The following SWAP70 variants were observed in gnomAD, a reference collection of about 807,000 sequenced individuals.
SWAP70 encodes switching B cell complex subunit SWAP70, also known as switch-associated protein 70.
SWAP70 carries 34 observed loss-of-function variants against 80.2 expected under a neutral mutation model. The observed-to-expected ratio is 0.42, with a 90% CI of 0.32 to 0.56. The LOEUF (loss-of-function observed/expected upper bound fraction) is 0.56, where lower values mean the gene tolerates loss of function less well. Among genes scored for constraint, SWAP70 ranks in the 20% least tolerant of loss-of-function variants. The pLI is 0.09. For missense variants in SWAP70, 578 were observed against 690.7 expected (o/e 0.84, Z 1.83); for synonymous variants, 239 against 238.5 (o/e 1.00, Z -0.02).
At chr11:9,749,001 A>T in intron 10 of SWAP70, 86 bp from the exon 11 acceptor site, 1 of 710,024 alleles carries the variant, frequency 1.4e-6, no homozygotes. Flanking sequence ...GATAATTCAC[A>T]AATACATAGT....
At chr11:9,680,261 C>G (rs1256248402) in intron 1 of SWAP70, among the ~76,000 whole-genome samples, 1 of 152,092 alleles carries the variant, frequency 6.6e-6, no homozygotes, top group Non-Finnish European at 1.5e-5. Context: ...TAGAAGATGA[C>G]CACTCTAAGC....
intron 1 of SWAP70, among the ~76,000 whole-genome samples, chr11:9,687,749 T>TGG: frequency 6.6e-6 from 1 of 152,336 alleles, no homozygotes; most frequent in South Asian, 2.1e-4. Context: ...AATCTTCGCT[T>TGG]AGCCCTATGC....
At chr11:9,697,470 A>G (rs1850773619) in intron 2 of SWAP70, among the ~76,000 whole-genome samples, 1 of 152,012 alleles carries the variant, frequency 6.6e-6, no homozygotes. Context: ...TTTAGTAGAG[A>G]CAGGGTTTCA....
chr11:9,748,113 A>G, intron 10 of SWAP70, 57 bp downstream of exon 10: 1 of 1,530,022 alleles, frequency 6.5e-7, no homozygotes, highest in Non-Finnish European at 8.9e-7. Context: ...AACATTTCTC[A>G]ATAATAGAAT....
At chr11:9,689,337 G>C (rs1025379074) in intron 1 of SWAP70, among the ~76,000 whole-genome samples, 1 of 152,220 alleles carries the variant, frequency 6.6e-6, no homozygotes, top group African/African-American at 2.4e-5. Flanking sequence ...CAGACCACAC[G>C]AGCAGGGCTC....
chr11:9,695,335 G>T (rs1338473924), intron 2 of SWAP70, among the ~76,000 whole-genome samples: 2 of 151,672 alleles, frequency 1.3e-5, no homozygotes, highest in Non-Finnish European at 2.9e-5. Context: ...GTTTATTGCA[G>T]CACTATTTAC....
At chr11:9,732,492 T>C (rs1305516138) in intron 6 of SWAP70, 37 bp from the exon 7 acceptor site, 6 of 1,560,196 alleles carry the variant, frequency 3.8e-6, no homozygotes, top group Admixed American at 1.9e-5. Flanking sequence ...ATAAATAATA[T>C]CTCCCCATTT....
chr11:9,675,320 C>CGAGAGAGAGAGAGAGA (rs111414369), intron 1 of SWAP70, among the ~76,000 whole-genome samples: 9 of 31,464 alleles, frequency 2.9e-4, no homozygotes, highest in African/African-American at 5.9e-4. Context: ...AGAGAGGGAG[C>CGAGAGAGAGAGAGAGA]GAGAGAGAGA....
At chr11:9,697,156 A>G (rs1850769035) in intron 2 of SWAP70, among the ~76,000 whole-genome samples, 1 of 151,914 alleles carries the variant, frequency 6.6e-6, no homozygotes, top group African/African-American at 2.4e-5. Context: ...TTTTATTATT[A>G]TTTATATGTA....
chr11:9,725,544 TATATATATATATA>T (rs1851201713), intron 4 of SWAP70, among the ~76,000 whole-genome samples: 2 of 8,830 alleles, frequency 2.3e-4, no homozygotes, highest in African/African-American at 6.9e-4. Flanking sequence ...TATATATATA[TATATATATATATA>T]TATATATATA....
intron 7 of SWAP70, among the ~76,000 whole-genome samples, chr11:9,736,872 A>G (rs778160433): frequency 6.6e-6 from 1 of 152,040 alleles, no homozygotes; most frequent in South Asian, 2.1e-4. Context: ...TTCCTACTAC[A>G]TGAGAACTCT....
In SWAP70 at chr11:9,691,255, G is replaced by T. The variant is rs139598300; in HGVS notation, c.100-2891G>T. On this transcript the variant is annotated intron_variant, in intron 1 of 11. Coordinates refer to ENST00000318950, the MANE Select transcript of SWAP70 (RefSeq NM_015055.4). Reference sequence around the variant, plus strand: ...TTTTGAAGAAGACTTCCCTTTTATAGACCTTACTAACAGTGAAAAAGCTGT... The same window carrying T: ...TTTTGAAGAAGACTTCCCTTTTATATACCTTACTAACAGTGAAAAAGCTGT... Among the ~76,000 whole-genome samples, 343 of 152,256 alleles carry T rather than the reference G, an allele frequency of 2.3e-3. 3 individuals carry two copies. Among genetic ancestry groups the T allele is most frequent in the Non-Finnish European group, 3.6e-3 (242 of 68,020 alleles).
chr11:9,747,460 A>G (rs530317724), intron 9 of SWAP70, among the ~76,000 whole-genome samples: 4 of 152,364 alleles, frequency 2.6e-5, no homozygotes, highest in Non-Finnish European at 5.9e-5. Context: ...TGGCCCTGCC[A>G]CCTGGCAGGT....
rs74381904 is a variant in SWAP70 at position 9,740,213 on chromosome 11, A to G, written c.1221A>G (p.Gln407=). 3 of 1,614,084 alleles carry G rather than the reference A, an allele frequency of 1.9e-6. No individual in the cohort carries two copies. The Admixed American group carries it at 5.0e-5, about 27-fold the overall frequency. Residue 407 remains glutamine (Q), a synonymous_variant, in exon 9 of 12, where the codon CAA becomes CAG. Transcript: ENST00000318950. ...AGCAGATGGAAGAACAGGTTGCTCA[A>G]AAGTCCTCTGAACTGGAACAGTATT... ...IRQQMEEQVA[Q]KSSELEQYLQ... is the part of the protein sequence containing the mutation.
intron 1 of SWAP70, among the ~76,000 whole-genome samples, chr11:9,666,847 T>C (rs1272351945): frequency 6.6e-6 from 1 of 151,002 alleles, no homozygotes; most frequent in Non-Finnish European, 1.5e-5. Context: ...GCCTCAGCCT[T>C]CTGAGTAGCT....
chr11:9,706,962 G>T (rs2101902), intron 2 of SWAP70, among the ~76,000 whole-genome samples: 15,471 of 150,924 alleles, frequency 0.1, 1,522 homozygotes, highest in African/African-American at 0.25. Context: ...TCTTTAGCAA[G>T]ATTCTTTCAC....
At chr11:9,713,088 G>A (rs889429943) in intron 2 of SWAP70, among the ~76,000 whole-genome samples, 5 of 152,128 alleles carry the variant, frequency 3.3e-5, no homozygotes, top group African/African-American at 1.2e-4. Context: ...TGCTAGGATT[G>A]GTAGCCTGTT....
chr11:9,664,232 C>T lies in SWAP70; in HGVS notation c.53C>T (p.Ala18Val), dbSNP rs767503218. 1.9e-6 allele frequency: 3 copies of T among 1,595,484 alleles called. No homozygotes were observed. Among genetic ancestry groups the T allele is most frequent in the Non-Finnish European group, 2.6e-6 (3 of 1,171,614 alleles). ...AAAGCCATCTGGCACGCCTTCACCG[C>T]ACTCGACCAGGACCACAGCGGCAAG... ...LLKAIWHAFT[A>V]LDQDHSGKVS... The change falls in exon 1 of 12, where the codon GCA becomes GTA. Residue 18 changes from alanine (A) to valine (V), a missense_variant. By Grantham distance (64) the Ala-to-Val change is moderately conservative (BLOSUM62 0). Transcript: ENST00000318950.
intron 1 of SWAP70, among the ~76,000 whole-genome samples, chr11:9,692,966 T>C (rs1158727149): frequency 6.6e-6 from 1 of 152,124 alleles, no homozygotes; most frequent in Non-Finnish European, 1.5e-5. Context: ...TCCACATAAA[T>C]GAAGCTTTGA....
Sources: gnomAD v4.1 joint callset for allele counts (sites outside exome capture counted in the v4.1 genomes callset) on GRCh38, gnomAD v4.1.1 for gene constraint, MANE v1.5 for transcripts, NCBI Gene and HGNC (gene_info 2026-07-23, HGNC 2026-07-21) for gene names.